The following RAPGEF6 variants were observed in gnomAD, a reference collection of about 807,000 sequenced individuals.
RAPGEF6 encodes PDZ domain containing guanine nucleotide exchange factor (GEF) 2.
RAPGEF6 carries 56 observed loss-of-function variants against 171.4 expected under a neutral mutation model. That is an observed-to-expected ratio of 0.33 (90% CI 0.26 to 0.41). The LOEUF is 0.41. Among genes scored for constraint, RAPGEF6 ranks in the 10% least tolerant of loss-of-function variants. The pLI is 1.00. For synonymous variants in RAPGEF6, 692 were observed against 650.1 expected (o/e 1.06, Z -0.98); for missense variants, 1,674 against 1,921.4 (o/e 0.87, Z 2.41).
chr5:131,460,833 C>A (rs2149833685), intron 19 of RAPGEF6, among the ~76,000 whole-genome samples: 1 of 152,220 alleles, frequency 6.6e-6, no homozygotes, highest in Non-Finnish European at 1.5e-5. Flanking sequence ...TATAAAGATT[C>A]TACTTTTTAA....
intron 6 of RAPGEF6, among the ~76,000 whole-genome samples, chr5:131,522,694 C>T (rs1449070932): frequency 2.0e-5 from 3 of 152,092 alleles, no homozygotes; most frequent in East Asian, 3.8e-4. Flanking sequence ...TGGCCTCTGA[C>T]GTTACTTTTT....
intron 4 of RAPGEF6, among the ~76,000 whole-genome samples, chr5:131,569,825 G>C (rs751305321): frequency 1.3e-5 from 2 of 152,088 alleles, no homozygotes; most frequent in African/African-American, 2.4e-5. Flanking sequence ...CAGATCACTT[G>C]AGGTCAGGAG....
At chr5:131,474,937 A>G (rs957081988) in intron 16 of RAPGEF6, among the ~76,000 whole-genome samples, 1 of 152,240 alleles carries the variant, frequency 6.6e-6, no homozygotes, top group African/African-American at 2.4e-5. Context: ...CAATGTTAAA[A>G]AGTTACAATT....
chr5:131,554,985 G>A (rs992231618), intron 5 of RAPGEF6, among the ~76,000 whole-genome samples: 8 of 152,038 alleles, frequency 5.3e-5, no homozygotes, highest in Admixed American at 2.6e-4. Context: ...CACATAATGT[G>A]GTGAAAGTAA....
At chr5:131,519,574 G>T (rs1037762720) in intron 7 of RAPGEF6, among the ~76,000 whole-genome samples, 14 of 151,998 alleles carry the variant, frequency 9.2e-5, no homozygotes, top group Non-Finnish European at 1.9e-4. Flanking sequence ...GCTAATTTTT[G>T]AATTTTTCGT....
chr5:131,458,289 A>C (rs1208067058), intron 19 of RAPGEF6, among the ~76,000 whole-genome samples: 1 of 152,136 alleles, frequency 6.6e-6, no homozygotes, highest in African/African-American at 2.4e-5. Flanking sequence ...TGAGTTCTCA[A>C]GAGATCTGAT....
At chr5:131,617,695 A>G (rs1254125777) in intron 1 of RAPGEF6, among the ~76,000 whole-genome samples, 1 of 152,214 alleles carries the variant, frequency 6.6e-6, no homozygotes, top group Non-Finnish European at 1.5e-5. Context: ...AGAGTTCGAG[A>G]CAAGGCTGGA....
intron 12 of RAPGEF6, 51 bp from the exon 13 acceptor site, chr5:131,495,711 G>A (rs765860824): frequency 1.0e-5 from 16 of 1,561,996 alleles, no homozygotes; most frequent in Non-Finnish European, 1.4e-5. Context: ...CATTCCTTCT[G>A]CACAAGTGGA....
chr5:131,611,493 G>A (rs1281844819), intron 1 of RAPGEF6, among the ~76,000 whole-genome samples: 2 of 152,124 alleles, frequency 1.3e-5, no homozygotes, highest in Non-Finnish European at 2.9e-5. Context: ...CTAATATGGT[G>A]AAACCCCGTC....
At chr5:131,464,371 T>A in intron 17 of RAPGEF6, 90 bp from the exon 18 acceptor site, 2 of 908,672 alleles carry the variant, frequency 2.2e-6, no homozygotes, top group Non-Finnish European at 3.5e-6. Flanking sequence ...GTGATCCCTC[T>A]GAACACTGAA....
At chr5:131,504,091 C>T (rs1467710602) in intron 11 of RAPGEF6, among the ~76,000 whole-genome samples, 1 of 152,206 alleles carries the variant, frequency 6.6e-6, no homozygotes, top group African/African-American at 2.4e-5. Flanking sequence ...AAACTCTGAC[C>T]AGTATATTCT....
At chr5:131,535,547 C>T (rs943915765) in intron 6 of RAPGEF6, among the ~76,000 whole-genome samples, 6 of 152,124 alleles carry the variant, frequency 3.9e-5, no homozygotes, top group African/African-American at 1.2e-4. Flanking sequence ...CTTATGAACA[C>T]GTTTCCCCTG....
intron 6 of RAPGEF6, among the ~76,000 whole-genome samples, chr5:131,523,824 A>AAAAC (rs71000995): frequency 0.7 from 105,732 of 151,362 alleles, 37,327 homozygotes; most frequent in Non-Finnish European, 0.77. Context: ...AACCCACCCC[A>AAAAC]AAACAAACAA....
intron 15 of RAPGEF6, among the ~76,000 whole-genome samples, chr5:131,483,923 AC>A (rs1394539802): frequency 1.3e-5 from 2 of 151,514 alleles, no homozygotes; most frequent in African/African-American, 2.4e-5. Context: ...ACACAGTGAA[AC>A]CCCGTCTCTA....
intron 7 of RAPGEF6, among the ~76,000 whole-genome samples, chr5:131,516,715 C>A (rs895876529): frequency 5.9e-5 from 9 of 152,210 alleles, no homozygotes; most frequent in African/African-American, 2.2e-4. Context: ...ACTCCTTATT[C>A]TCTTGAATAC....
chr5:131,446,377 T>C, intron 22 of RAPGEF6, 106 bp downstream of exon 22: 2 of 1,072,714 alleles, frequency 1.9e-6, no homozygotes, highest in Non-Finnish European at 2.7e-6. Context: ...CAGCAATCTT[T>C]TGTGAGTGAA....
At chr5:131,532,172 G>T in intron 6 of RAPGEF6, 1 of 448,832 alleles carries the variant, frequency 2.2e-6, no homozygotes, top group South Asian at 1.6e-5. Context: ...GCTGGAAAGG[G>T]TAGTTTCCTT....
chr5:131,465,258 T>C (rs899326650), intron 17 of RAPGEF6, among the ~76,000 whole-genome samples: 5 of 152,184 alleles, frequency 3.3e-5, no homozygotes, highest in Non-Finnish European at 7.3e-5. Flanking sequence ...AGAAAAATTC[T>C]AATTTGAGAC....
At chr5:131,576,113 C>T (rs975296167) in intron 4 of RAPGEF6, among the ~76,000 whole-genome samples, 1 of 152,210 alleles carries the variant, frequency 6.6e-6, no homozygotes, top group African/African-American at 2.4e-5. Context: ...ATACCTAGCA[C>T]CAAACCTGAA....
Sources: gnomAD v4.1 joint callset for allele counts (sites outside exome capture counted in the v4.1 genomes callset) on GRCh38, gnomAD v4.1.1 for gene constraint, MANE v1.5 for transcripts, NCBI Gene and HGNC (gene_info 2026-07-23, HGNC 2026-07-21) for gene names.